BRINP1: variants seen among roughly 807,000 people sequenced by gnomAD.
The protein encoded by BRINP1 is BMP/retinoic acid inducible neural specific 1.
BRINP1 carries 17 observed loss-of-function variants against 72.9 expected under a neutral mutation model. That is an observed-to-expected ratio of 0.23 (90% CI 0.16 to 0.35). The LOEUF (loss-of-function observed/expected upper bound fraction) is 0.35, where lower values mean the gene tolerates loss of function less well. Ranked by LOEUF, BRINP1 falls within the 10% of genes least tolerant of loss-of-function variation. The pLI is 1.00. For synonymous variants in BRINP1, 418 were observed against 378.5 expected, an observed-to-expected ratio of 1.10 and a Z score of -1.21; for missense variants, 850 against 1,001.6, an observed-to-expected ratio of 0.85 and a Z score of 2.04.
chr9:119,228,853 T>A (rs573224049), intron 5 of BRINP1, among the ~76,000 whole-genome samples: 1 of 152,186 alleles, frequency 6.6e-6, no homozygotes, highest in East Asian at 1.9e-4. Flanking sequence ...GGGGAAACCA[T>A]GGAGTGATTT....
intron 7 of BRINP1, among the ~76,000 whole-genome samples, chr9:119,171,255 C>A (rs1217513160): frequency 6.8e-6 from 1 of 146,582 alleles, no homozygotes; most frequent in Non-Finnish European, 1.5e-5. Context: ...TGCAGAGACA[C>A]ACATAGGCTC....
intron 2 of BRINP1, among the ~76,000 whole-genome samples, chr9:119,298,748 TA>T (rs1830907635): frequency 6.6e-6 from 1 of 152,130 alleles, no homozygotes; most frequent in Non-Finnish European, 1.5e-5. Context: ...CATAGTGTAT[TA>T]AAACATTCCA....
At chr9:119,210,049 C>A (rs1829906909) in intron 6 of BRINP1, among the ~76,000 whole-genome samples, 1 of 152,198 alleles carries the variant, frequency 6.6e-6, no homozygotes, top group African/African-American at 2.4e-5. Context: ...TCTAGTTCAG[C>A]TCTTTTGTTC....
intron 2 of BRINP1, among the ~76,000 whole-genome samples, chr9:119,302,884 A>C (rs1830953482): frequency 6.6e-6 from 1 of 151,744 alleles, no homozygotes; most frequent in Non-Finnish European, 1.5e-5. Flanking sequence ...GGCTGCTTTT[A>C]GCATATCTCT....
intron 7 of BRINP1, 141 bp from the exon 8 acceptor site, chr9:119,168,365 C>G: frequency 1.7e-6 from 1 of 600,494 alleles, no homozygotes. Flanking sequence ...GGAAGGGCAT[C>G]GAATATAAAC....
rs1300538885 is a variant in BRINP1, at chr9:119,331,270, G to A, written c.-50-17865C>T. On this transcript the variant is annotated intron_variant, in intron 1 of 7. Coordinates refer to ENST00000265922, the MANE Select transcript of BRINP1 (RefSeq NM_014618.3). ...AGGCATTTTATCACTATGAGGAGGA[G>A]CCTTGGAAAGGCAGGACCAAGACTT... Among the ~76,000 whole-genome samples, 3 of 152,334 alleles carry A rather than the reference G, an allele frequency of 2.0e-5. No homozygotes were observed. In the East Asian group the frequency reaches 5.8e-4, roughly 29 times the overall value.
intron 1 of BRINP1, among the ~76,000 whole-genome samples, chr9:119,318,770 G>C (rs1831151953): frequency 6.6e-6 from 1 of 151,838 alleles, no homozygotes; most frequent in Non-Finnish European, 1.5e-5. Context: ...TAGACTGTTT[G>C]CAAAGAAACA....
chr9:119,266,873 T>C (rs1044236056), intron 2 of BRINP1, among the ~76,000 whole-genome samples: 1 of 152,230 alleles, frequency 6.6e-6, no homozygotes, highest in Non-Finnish European at 1.5e-5. Context: ...AGATTTTGTA[T>C]TAAGTGAGAT....
chr9:119,199,395 T>C (rs1429461848), intron 7 of BRINP1, among the ~76,000 whole-genome samples: 2 of 152,056 alleles, frequency 1.3e-5, no homozygotes, highest in Non-Finnish European at 2.9e-5. Flanking sequence ...TTAAACACTG[T>C]ATGGAGAAGG....
At chr9:119,220,755 C>A (rs955275035) in intron 5 of BRINP1, among the ~76,000 whole-genome samples, 5 of 151,878 alleles carry the variant, frequency 3.3e-5, no homozygotes, top group African/African-American at 9.7e-5. Context: ...ATTATGAAGA[C>A]GAAAGAAAAT....
At chr9:119,290,643 G>A (rs1166773847) in intron 2 of BRINP1, among the ~76,000 whole-genome samples, 2 of 152,196 alleles carry the variant, frequency 1.3e-5, no homozygotes, top group African/African-American at 2.4e-5. Context: ...TGGAATGTAG[G>A]TGATAATGGA....
chr9:119,243,553 C>T (rs910408406), intron 3 of BRINP1, among the ~76,000 whole-genome samples: 1 of 152,078 alleles, frequency 6.6e-6, no homozygotes, highest in Non-Finnish European at 1.5e-5. Flanking sequence ...ATTTATATTC[C>T]TTTTGATACA....
chr9:119,218,016 C>G (rs1829997369), intron 5 of BRINP1, among the ~76,000 whole-genome samples: 1 of 152,032 alleles, frequency 6.6e-6, no homozygotes, highest in South Asian at 2.1e-4. Context: ...CAATTTTTTT[C>G]ATAGGATTAA....
At chr9:119,285,637 G>T (rs1423105094) in intron 2 of BRINP1, among the ~76,000 whole-genome samples, 1 of 152,144 alleles carries the variant, frequency 6.6e-6, no homozygotes, top group Non-Finnish European at 1.5e-5. Context: ...TAATAGCATA[G>T]AGGGAACTTC....
chr9:119,232,796 C>T (rs886235106), intron 5 of BRINP1, among the ~76,000 whole-genome samples: 2 of 152,092 alleles, frequency 1.3e-5, no homozygotes, highest in East Asian at 1.9e-4. Flanking sequence ...CACAGCTTTG[C>T]TCCCTGTATA....
In BRINP1 at chr9:119,264,507, A is replaced by C. The variant is rs148785419; in HGVS notation, c.219-15357T>G. Among the ~76,000 whole-genome samples the C allele has an allele frequency of 3.3e-5, 5 of 152,360 alleles. No homozygotes were observed. In the East Asian group the frequency reaches 7.7e-4, roughly 24 times the overall value. On this transcript the variant is annotated intron_variant, in intron 2 of 7. Transcript: ENST00000265922. ...AGGAAACTCTCTCGATTTATATTCA[A>C]GATGCCTTATGTTCAAATTCCCAGC...
At chr9:119,336,534 G>A (rs535555933) in intron 1 of BRINP1, among the ~76,000 whole-genome samples, 1 of 152,280 alleles carries the variant, frequency 6.6e-6, no homozygotes, top group Admixed American at 6.5e-5. Context: ...GAGAGGGTGG[G>A]CTGTGAGGGT....
intron 2 of BRINP1, among the ~76,000 whole-genome samples, chr9:119,303,564 C>T (rs1830963257): frequency 6.6e-6 from 1 of 152,180 alleles, no homozygotes; most frequent in Admixed American, 6.5e-5. Context: ...ATGCTGATAG[C>T]TTAAAGAGAC....
intron 5 of BRINP1, among the ~76,000 whole-genome samples, chr9:119,218,406 G>C (rs1178853715): frequency 6.6e-6 from 1 of 151,856 alleles, no homozygotes; most frequent in Non-Finnish European, 1.5e-5. Flanking sequence ...GCCTCCCAAA[G>C]TGCTGGGATT....
Sources: gnomAD v4.1 joint callset for allele counts (sites outside exome capture counted in the v4.1 genomes callset) on GRCh38, gnomAD v4.1.1 for gene constraint, MANE v1.5 for transcripts, NCBI Gene and HGNC (gene_info 2026-07-23, HGNC 2026-07-21) for gene names.